ARSG: variants seen among roughly 807,000 people sequenced by gnomAD.
ARSG encodes the protein ASG.
Under a neutral mutation model 50.5 loss-of-function variants are expected in ARSG, and 37 were observed. The ratio of observed to expected loss-of-function variants is 0.73; its 90% confidence interval spans 0.56 to 0.96. The LOEUF is 0.96. ARSG is among the 50% of genes least tolerant of loss of function. The pLI is 0.00. For missense variants in ARSG, 629 were observed against 675.3 expected, an observed-to-expected ratio of 0.93 and a Z score of 0.76; for synonymous variants, 225 against 254.6, an observed-to-expected ratio of 0.88 and a Z score of 1.11.
chr17:68,265,479 G>A (rs1222404524), intron 1 of ARSG, among the ~76,000 whole-genome samples: 2 of 152,224 alleles, frequency 1.3e-5, no homozygotes, highest in Non-Finnish European at 2.9e-5. Flanking sequence ...GGGCGACAGA[G>A]CAAGACTCTG....
chr17:68,320,090 C>T (rs1470296239), intron 2 of ARSG, among the ~76,000 whole-genome samples: 1 of 152,006 alleles, frequency 6.6e-6, no homozygotes, highest in African/African-American at 2.4e-5. Flanking sequence ...AGTTCGAGAC[C>T]AGCCTGGGCA....
In ARSG at chr17:68,334,287, G is replaced by A. The variant is rs147996564; in HGVS notation, c.219-9317G>A. ...TTGCTGTTTGTCACCTTGAAAAACA[G>A]CATCAGGGAATGAACCCATCTTCTG... is the stretch of plus-strand genomic sequence containing the variant. On this transcript the variant is annotated intron_variant, in intron 2 of 11. Coordinates refer to ENST00000621439, the MANE Select transcript of ARSG (RefSeq NM_001267727.2). Among the ~76,000 whole-genome samples the A allele has an allele frequency of 4.9e-3, 746 of 152,276 alleles. 3 individuals are homozygous for A. The highest frequency in any genetic ancestry group is 0.017 in the Middle Eastern group (5 of 294).
intron 11 of ARSG, among the ~76,000 whole-genome samples, chr17:68,416,634 C>T (rs529824340): frequency 7.9e-5 from 12 of 152,254 alleles, no homozygotes; most frequent in Middle Eastern, 3.4e-3. Flanking sequence ...TAACATAATC[C>T]CAGCCTTCTT....
intron 1 of ARSG, among the ~76,000 whole-genome samples, chr17:68,279,191 T>C (rs1032684591): frequency 3.3e-5 from 5 of 152,066 alleles, no homozygotes; most frequent in East Asian, 3.9e-4. Context: ...TGATCAGAAA[T>C]GAAGCCTAGA....
At chr17:68,402,215 CTAG>C (rs939351057) in intron 11 of ARSG, among the ~76,000 whole-genome samples, 6 of 152,012 alleles carry the variant, frequency 3.9e-5, no homozygotes, top group African/African-American at 1.5e-4. Context: ...ATTTCCTGTA[CTAG>C]TTTTTTTTGT....
chr17:68,277,954 T>A, intron 1 of ARSG: 1 of 619,286 alleles, frequency 1.6e-6, no homozygotes, highest in East Asian at 2.8e-5. Flanking sequence ...AAAACCCTGT[T>A]AGTCAGGGCT....
At chr17:68,315,482 G>A (rs560557486) in intron 2 of ARSG, among the ~76,000 whole-genome samples, 2 of 151,936 alleles carry the variant, frequency 1.3e-5, no homozygotes, top group Admixed American at 6.6e-5. Flanking sequence ...AGCTATGATC[G>A]TGTCACTGCA....
chr17:68,418,626 G>C (rs2082543456), intron 11 of ARSG, among the ~76,000 whole-genome samples: 1 of 152,216 alleles, frequency 6.6e-6, no homozygotes, highest in Non-Finnish European at 1.5e-5. Flanking sequence ...TGCCCCTATA[G>C]ACTTCCTTGT....
intron 9 of ARSG, among the ~76,000 whole-genome samples, chr17:68,390,974 C>T (rs1031014008): frequency 1.3e-5 from 2 of 150,722 alleles, no homozygotes; most frequent in Non-Finnish European, 2.9e-5. Flanking sequence ...GGCAGAAGTG[C>T]CCAGGTCCCA....
At chr17:68,333,303 C>T (rs1003047509) in intron 2 of ARSG, among the ~76,000 whole-genome samples, 1 of 151,656 alleles carries the variant, frequency 6.6e-6, no homozygotes, top group African/African-American at 2.4e-5. Flanking sequence ...GCCTGGGCGA[C>T]AGAGCGAGAC....
chr17:68,308,927 T>C (rs1555765558), intron 2 of ARSG, among the ~76,000 whole-genome samples: 1 of 152,160 alleles, frequency 6.6e-6, no homozygotes, highest in African/African-American at 2.4e-5. Context: ...CCTCAGCCTT[T>C]GGGTGGTCGA....
intron 1 of ARSG, among the ~76,000 whole-genome samples, chr17:68,283,277 T>C (rs1337878909): frequency 6.7e-6 from 1 of 148,302 alleles, no homozygotes; most frequent in Non-Finnish European, 1.5e-5. Flanking sequence ...TCCTAACACT[T>C]TGGGAGGCCG....
At chr17:68,347,043 C>G in intron 3 of ARSG, 82 bp from the exon 4 acceptor site, 3 of 1,579,808 alleles carry the variant, frequency 1.9e-6, no homozygotes, top group Non-Finnish European at 2.6e-6. Flanking sequence ...TAATGGAGAG[C>G]TGAGTGTGTG....
intron 1 of ARSG, chr17:68,283,189 G>T: frequency 6.6e-6 from 1 of 152,110 alleles, no homozygotes. Context: ...ATCACTTTAG[G>T]AGGTCGAGGT....
chr17:68,443,538 T>G, the ARSG span, among the ~76,000 whole-genome samples: 1 of 152,068 alleles, frequency 6.6e-6, no homozygotes, highest in African/African-American at 2.4e-5. Flanking sequence ...TGCATGGCAG[T>G]TCCTGTGCTG....
chr17:68,448,534 G>C, the ARSG span: 1 of 152,112 alleles, frequency 6.6e-6, no homozygotes, highest in Non-Finnish European at 1.5e-5. Flanking sequence ...TTATATTAAG[G>C]GGAGGCTGGC....
At chr17:68,415,222 T>A (rs917178626) in intron 11 of ARSG, among the ~76,000 whole-genome samples, 3 of 152,172 alleles carry the variant, frequency 2.0e-5, no homozygotes, top group Non-Finnish European at 4.4e-5. Flanking sequence ...ATAGGTTGTG[T>A]CACTATTATT....
intron 1 of ARSG, among the ~76,000 whole-genome samples, chr17:68,261,578 C>T (rs1555745171): frequency 6.6e-6 from 1 of 152,040 alleles, no homozygotes; most frequent in African/African-American, 2.4e-5. Context: ...GGGGTTTTAC[C>T]ATGTTGACCA....
intron 1 of ARSG, among the ~76,000 whole-genome samples, chr17:68,265,080 G>A (rs570653913): frequency 6.6e-5 from 10 of 151,318 alleles, no homozygotes; most frequent in African/African-American, 2.2e-4. Flanking sequence ...CTTGAACCCA[G>A]GAGGTGGAGG....
Sources: gnomAD v4.1 joint callset for allele counts (sites outside exome capture counted in the v4.1 genomes callset) on GRCh38, gnomAD v4.1.1 for gene constraint, MANE v1.5 for transcripts, NCBI Gene and HGNC (gene_info 2026-07-23, HGNC 2026-07-21) for gene names.